Variants in CNTNAP5 observed in about 807,000 individuals in gnomAD.
CNTNAP5 encodes contactin-associated protein-like 5.
Under a neutral mutation model 150.2 loss-of-function variants are expected in CNTNAP5, and 72 were observed. That is an observed-to-expected ratio of 0.48 (90% CI 0.40 to 0.58). The LOEUF is 0.58. Ranked by LOEUF, CNTNAP5 falls within the 20% of genes least tolerant of loss-of-function variation. The pLI is 0.00. For synonymous variants in CNTNAP5, 672 were observed against 619.8 expected (o/e 1.08, Z -1.25); for missense variants, 1,636 against 1,626.2 (o/e 1.01, Z -0.10).
intron 3 of CNTNAP5, among the ~76,000 whole-genome samples, chr2:124,324,131 G>A (rs537111726): frequency 7.2e-5 from 11 of 152,306 alleles, no homozygotes; most frequent in South Asian, 6.2e-4. Flanking sequence ...AGGATGTAGC[G>A]TGAACCAGAC....
chr2:124,455,806 A>C (rs1188946543), intron 6 of CNTNAP5, among the ~76,000 whole-genome samples: 1 of 152,162 alleles, frequency 6.6e-6, no homozygotes, highest in African/African-American at 2.4e-5. Flanking sequence ...CAGAATAAAA[A>C]CCAAAACCAC....
chr2:124,755,852 A>G (rs780878081), intron 14 of CNTNAP5, among the ~76,000 whole-genome samples: 1 of 152,210 alleles, frequency 6.6e-6, no homozygotes, highest in Non-Finnish European at 1.5e-5. Context: ...TGGATATAAA[A>G]TGTAATGAAT....
At position 124,886,547 on chromosome 2, in the gene CNTNAP5, C is replaced by A. The variant is rs528809928; in HGVS notation, c.3437-16335C>A. Reference sequence around the variant, plus strand: ...CAAATCTGACCCCAAAGTCATATTTCATGCTACTTTTTAAAAGGGGAGAAA... The same window carrying A: ...CAAATCTGACCCCAAAGTCATATTTAATGCTACTTTTTAAAAGGGGAGAAA... On this transcript the variant is annotated intron_variant, in intron 21 of 23. Transcript: ENST00000682447. 3.9e-5 allele frequency among the ~76,000 whole-genome samples: 6 copies of A among 152,112 alleles called. No homozygotes were observed. In the South Asian group the frequency reaches 1.2e-3, roughly 32 times the overall value.
intron 1 of CNTNAP5, among the ~76,000 whole-genome samples, chr2:124,205,428 T>A (rs1161581741): frequency 6.6e-6 from 1 of 151,656 alleles, no homozygotes; most frequent in Non-Finnish European, 1.5e-5. Flanking sequence ...TTTCTTTTTT[T>A]TTTTTTTGGA....
intron 1 of CNTNAP5, among the ~76,000 whole-genome samples, chr2:124,215,712 C>CAAAA (rs397985759): frequency 3.2e-3 from 259 of 81,734 alleles, no homozygotes; most frequent in Non-Finnish European, 4.4e-3. Context: ...AGAAGAAAGG[C>CAAAA]AAAAAAAAAA....
chr2:124,761,549 G>A (rs1167285297), intron 14 of CNTNAP5, among the ~76,000 whole-genome samples: 1 of 152,060 alleles, frequency 6.6e-6, no homozygotes, highest in Non-Finnish European at 1.5e-5. Context: ...TTGCTAGTGA[G>A]TACTACAGGC....
chr2:124,299,918 G>T (rs966384323), intron 3 of CNTNAP5, among the ~76,000 whole-genome samples: 1 of 152,148 alleles, frequency 6.6e-6, no homozygotes, highest in African/African-American at 2.4e-5. Flanking sequence ...TAACCATCTT[G>T]TCCCATAGTT....
At chr2:124,244,483 T>A (rs1158269817) in intron 3 of CNTNAP5, among the ~76,000 whole-genome samples, 1 of 152,022 alleles carries the variant, frequency 6.6e-6, no homozygotes, top group East Asian at 1.9e-4. Flanking sequence ...AGTTGCTGGA[T>A]GGGCAGAGAA....
In CNTNAP5 at chr2:124,786,375, G is replaced by T. The variant is rs13024257; in HGVS notation, c.2753-3527G>T. Among the ~76,000 whole-genome samples, 5 of 73,972 alleles carry T rather than the reference G, an allele frequency of 6.8e-5. No individual in the cohort carries two copies. In the East Asian group the frequency reaches 1.3e-3, roughly 19 times the overall value. The allele number at this position is 73,972 out of a possible 152,430, so 48.5% of individuals were successfully genotyped here. The stretch of plus-strand genomic sequence containing the variant: ...AGGAAGAAAGAAAGAAAGAAAGAAA[G>T]AAAGAAAGAAAGAAAGAAAGAAAGA... On this transcript the variant is annotated intron_variant, in intron 17 of 23. Coordinates refer to ENST00000682447, the MANE Select transcript of CNTNAP5 (RefSeq NM_001367498.1).
chr2:124,704,824 A>G (rs1300900577), intron 13 of CNTNAP5, among the ~76,000 whole-genome samples: 1 of 151,698 alleles, frequency 6.6e-6, no homozygotes, highest in Non-Finnish European at 1.5e-5. Context: ...TCTATTCCCC[A>G]TCTCTCAGCT....
At chr2:124,447,050 C>A in intron 6 of CNTNAP5, 113 bp downstream of exon 6, 1 of 983,946 alleles carries the variant, frequency 1.0e-6, no homozygotes, top group East Asian at 2.5e-5. Flanking sequence ...GGAGTCTTAC[C>A]CTGGGACTTA....
intron 1 of CNTNAP5, among the ~76,000 whole-genome samples, chr2:124,133,324 T>C (rs1383223717): frequency 1.3e-5 from 2 of 152,112 alleles, no homozygotes; most frequent in African/African-American, 2.4e-5. Context: ...AAAAAAGGTC[T>C]ATGAGAGTCC....
intron 3 of CNTNAP5, among the ~76,000 whole-genome samples, chr2:124,273,512 T>C (rs1348398406): frequency 6.6e-6 from 1 of 152,094 alleles, no homozygotes; most frequent in African/African-American, 2.4e-5. Flanking sequence ...CCCTTACAAT[T>C]AGAGTTTCAG....
intron 6 of CNTNAP5, among the ~76,000 whole-genome samples, chr2:124,456,413 C>G (rs1482472375): frequency 6.6e-6 from 1 of 152,066 alleles, no homozygotes; most frequent in Non-Finnish European, 1.5e-5. Flanking sequence ...TGAAAGAAAT[C>G]ATAGATGACA....
intron 3 of CNTNAP5, among the ~76,000 whole-genome samples, chr2:124,335,031 TG>T (rs1339086667): frequency 1.3e-5 from 2 of 152,076 alleles, no homozygotes; most frequent in African/African-American, 4.8e-5. Flanking sequence ...CAGTTGCCAT[TG>T]CCCCCAAATT....
intron 6 of CNTNAP5, among the ~76,000 whole-genome samples, chr2:124,456,086 A>C (rs928718841): frequency 2.0e-5 from 3 of 152,210 alleles, no homozygotes; most frequent in Admixed American, 2.0e-4. Flanking sequence ...AAGAGAAAGA[A>C]ATAAAGTGCA....
In CNTNAP5 at chr2:124,242,262, A is replaced by G. The variant is rs1347167015; in HGVS notation, c.250A>G (p.Asn84Asp). ...AQQWLQMDLG[N>D]RVEITAVATQ... ...ACAGTGGCTCCAGATGGACCTGGGA[A>G]ACAGAGTAGAGATTACAGCAGTGGC... Residue 84 changes from asparagine (N) to aspartate (D), a missense_variant, in exon 3 of 24, where the codon AAC (asparagine) becomes GAC (aspartate). Coordinates refer to ENST00000682447, the MANE Select transcript of CNTNAP5 (RefSeq NM_001367498.1). 6.2e-7 allele frequency: 1 copy of G among 1,607,616 alleles called. No homozygotes were observed. The highest frequency in any genetic ancestry group is 8.5e-7 in the Non-Finnish European group (1 of 1,176,868).
At chr2:124,485,074 A>G (rs1377899081) in intron 7 of CNTNAP5, among the ~76,000 whole-genome samples, 1 of 151,660 alleles carries the variant, frequency 6.6e-6, no homozygotes, top group Admixed American at 6.6e-5. Flanking sequence ...GATTCAGAAG[A>G]CATCTCTATG....
intron 3 of CNTNAP5, among the ~76,000 whole-genome samples, chr2:124,287,753 A>G (rs1047506318): frequency 2.0e-5 from 3 of 152,196 alleles, no homozygotes; most frequent in Non-Finnish European, 2.9e-5. Flanking sequence ...GTACCTGACT[A>G]GTGGAGTCTG....
Sources: allele counts gnomAD v4.1 joint callset (sites outside exome capture counted in the v4.1 genomes callset), GRCh38; gene constraint gnomAD v4.1.1; transcripts MANE v1.5; gene names NCBI Gene and HGNC (gene_info 2026-07-23, HGNC 2026-07-21).